VWC2L: variants seen among roughly 807,000 people sequenced by gnomAD.
VWC2L encodes von Willebrand factor C domain containing 2 like.
Under a neutral mutation model 21.6 loss-of-function variants are expected in VWC2L, and 10 were observed. That is an observed-to-expected ratio of 0.46 (90% CI 0.29 to 0.78). The LOEUF (loss-of-function observed/expected upper bound fraction) is 0.78. Among genes scored for constraint, VWC2L ranks in the 30% least tolerant of loss-of-function variants. VWC2L has a pLI of 0.10. For missense variants in VWC2L, 209 were observed against 277.1 expected, an observed-to-expected ratio of 0.75 and a Z score of 1.74; for synonymous variants, 96 against 94.3, an observed-to-expected ratio of 1.02 and a Z score of -0.10.
intron 3 of VWC2L, among the ~76,000 whole-genome samples, chr2:214,572,551 T>C (rs752394210): frequency 1.3e-5 from 2 of 152,166 alleles, no homozygotes; most frequent in Non-Finnish European, 2.9e-5. Context: ...AGACAGTAGA[T>C]AGAAGGGTAG....
chr2:214,464,357 G>T (rs1461356309), intron 3 of VWC2L, among the ~76,000 whole-genome samples: 1 of 152,094 alleles, frequency 6.6e-6, no homozygotes, highest in Non-Finnish European at 1.5e-5. Flanking sequence ...GCATTAGAGG[G>T]TACCCCAAGA....
chr2:214,543,881 A>G (rs962050228), intron 3 of VWC2L, among the ~76,000 whole-genome samples: 6 of 152,176 alleles, frequency 3.9e-5, no homozygotes, highest in Admixed American at 2.6e-4. Context: ...AGGTAAGGGA[A>G]AACCTAAAGC....
At position 214,454,760 on chromosome 2, in the gene VWC2L, G is replaced by A. The variant is rs891617183; in HGVS notation, c.520+18002G>A. ...TGGGACTACAGGCGCCTGCCACCACGCCCGGCTAATTTTTTATATTTTTAG... is the reference window on the plus strand; with the variant it reads ...TGGGACTACAGGCGCCTGCCACCACACCCGGCTAATTTTTTATATTTTTAG... On this transcript the variant is annotated intron_variant, in intron 3 of 3. Coordinates refer to ENST00000312504, the MANE Select transcript of VWC2L (RefSeq NM_001080500.4). Among the ~76,000 whole-genome samples, 5 of 151,340 alleles carry A rather than the reference G, an allele frequency of 3.3e-5. No individual in the cohort carries two copies. The East Asian group carries it at 5.8e-4, about 18-fold the overall frequency.
chr2:214,463,375 T>A (rs1703169114), intron 3 of VWC2L, among the ~76,000 whole-genome samples: 1 of 152,178 alleles, frequency 6.6e-6, no homozygotes, highest in Admixed American at 6.5e-5. Context: ...TTATATTTGC[T>A]CAGTAATCTA....
intron 3 of VWC2L, among the ~76,000 whole-genome samples, chr2:214,500,159 T>C (rs1164784881): frequency 6.6e-6 from 1 of 152,234 alleles, no homozygotes; most frequent in Non-Finnish European, 1.5e-5. Context: ...CTCTGCCACA[T>C]AATTTTGGGT....
At chr2:214,446,350 G>A (rs1702838073) in intron 3 of VWC2L, among the ~76,000 whole-genome samples, 1 of 152,086 alleles carries the variant, frequency 6.6e-6, no homozygotes, top group Non-Finnish European at 1.5e-5. Context: ...GTTATAAATA[G>A]CTATTTTAAT....
At chr2:214,462,101 G>A (rs1002300549) in intron 3 of VWC2L, among the ~76,000 whole-genome samples, 13 of 152,192 alleles carry the variant, frequency 8.5e-5, no homozygotes, top group African/African-American at 3.1e-4. Context: ...AGAGCAGGAT[G>A]CGGTCTAGTG....
chr2:214,521,217 T>A (rs903403554), intron 3 of VWC2L, among the ~76,000 whole-genome samples: 3 of 148,478 alleles, frequency 2.0e-5, no homozygotes, highest in Non-Finnish European at 4.4e-5. Flanking sequence ...AGAGGGAGAC[T>A]CTGACTCCAT....
At chr2:214,439,643 C>A (rs990654838) in intron 3 of VWC2L, among the ~76,000 whole-genome samples, 1 of 151,706 alleles carries the variant, frequency 6.6e-6, no homozygotes, top group African/African-American at 2.4e-5. Context: ...TTTCTGCCTT[C>A]CTGAATTACA....
rs553553659 is a variant in VWC2L, at chr2:214,528,804, C to T, written c.521-46868C>T. 2.7e-4 allele frequency among the ~76,000 whole-genome samples: 41 copies of T among 152,264 alleles called. 1 individual carries two copies. The South Asian group carries it at 8.1e-3, about 30-fold the overall frequency. Reference sequence around the variant, plus strand: ...AACTGCAGAATACCTGCTCCTCTTGCACTCCTCAGCCACACACCATTCTCT... The same window carrying T: ...AACTGCAGAATACCTGCTCCTCTTGTACTCCTCAGCCACACACCATTCTCT... On this transcript the variant is annotated intron_variant, in intron 3 of 3. Transcript: ENST00000312504.
chr2:214,558,090 C>T (rs1022282559), intron 3 of VWC2L, among the ~76,000 whole-genome samples: 4 of 152,200 alleles, frequency 2.6e-5, no homozygotes, highest in Non-Finnish European at 5.9e-5. Context: ...CTTATCTCCA[C>T]GCCCATCTCA....
intron 2 of VWC2L, among the ~76,000 whole-genome samples, chr2:214,419,260 C>T (rs1399675382): frequency 2.0e-5 from 3 of 151,944 alleles, no homozygotes; most frequent in East Asian, 1.9e-4. Context: ...ATGTGCACCC[C>T]GGCAATATGA....
chr2:214,501,411 C>T lies in VWC2L; in HGVS notation c.520+64653C>T, dbSNP rs866035764. ...ACCCTTACGTGTACCTGCCCACTCCCACCTTAAATCTGCTTTAACCAAAAG... is the reference window on the plus strand; with the variant it reads ...ACCCTTACGTGTACCTGCCCACTCCTACCTTAAATCTGCTTTAACCAAAAG... On this transcript the variant is annotated intron_variant, in intron 3 of 3. Transcript: ENST00000312504. Among the ~76,000 whole-genome samples the T allele has an allele frequency of 7.9e-5, 12 of 152,176 alleles. No homozygotes were observed. The South Asian group carries it at 2.1e-3, about 26-fold the overall frequency.
At chr2:214,438,620 C>T (rs771181949) in intron 3 of VWC2L, among the ~76,000 whole-genome samples, 7 of 152,036 alleles carry the variant, frequency 4.6e-5, no homozygotes, top group Non-Finnish European at 7.4e-5. Context: ...ATCCTTCTAG[C>T]GACCCTACAC....
At chr2:214,548,321 T>G (rs563660370) in intron 3 of VWC2L, among the ~76,000 whole-genome samples, 2 of 152,306 alleles carry the variant, frequency 1.3e-5, no homozygotes, top group African/African-American at 2.4e-5. Flanking sequence ...TTAAAAAAAT[T>G]TTGTGCCAGT....
chr2:214,531,466 A>G (rs958670175), intron 3 of VWC2L, among the ~76,000 whole-genome samples: 2 of 152,194 alleles, frequency 1.3e-5, no homozygotes, highest in African/African-American at 4.8e-5. Context: ...ACGTGAAAAC[A>G]AAAGGAGCAA....
chr2:214,492,202 T>C (rs529542470), intron 3 of VWC2L, among the ~76,000 whole-genome samples: 27 of 152,152 alleles, frequency 1.8e-4, no homozygotes, highest in African/African-American at 6.3e-4. Flanking sequence ...CCAAATGACA[T>C]GGGGTGACCC....
chr2:214,454,172 G>A (rs1703018702), intron 3 of VWC2L, among the ~76,000 whole-genome samples: 1 of 152,024 alleles, frequency 6.6e-6, no homozygotes, highest in South Asian at 2.1e-4. Flanking sequence ...TTTTATGTGT[G>A]AGTATGTAGA....
intron 3 of VWC2L, among the ~76,000 whole-genome samples, chr2:214,501,274 T>A (rs1688886688): frequency 6.6e-6 from 1 of 152,116 alleles, no homozygotes; most frequent in African/African-American, 2.4e-5. Flanking sequence ...TAGAACTAAC[T>A]GTCACTACCA....
Sources: gnomAD v4.1 joint callset for allele counts (sites outside exome capture counted in the v4.1 genomes callset) on GRCh38, gnomAD v4.1.1 for gene constraint, MANE v1.5 for transcripts, NCBI Gene and HGNC (gene_info 2026-07-23, HGNC 2026-07-21) for gene names.